The following STAC3 variants were observed in gnomAD, a reference collection of about 807,000 sequenced individuals.
STAC3 encodes the protein SH3 and cysteine rich domain 3.
In STAC3, 30 loss-of-function variants were observed where a neutral mutation model predicts 48.5. The observed-to-expected ratio is 0.62, with a 90% CI of 0.46 to 0.84. STAC3 has a LOEUF of 0.84. Among genes scored for constraint, STAC3 ranks in the 40% least tolerant of loss-of-function variants. STAC3 has a pLI of 0.00. For missense variants in STAC3, 419 were observed against 462.6 expected, an observed-to-expected ratio of 0.91 and a Z score of 0.86; for synonymous variants, 144 against 158.6, an observed-to-expected ratio of 0.91 and a Z score of 0.69.
intron 6 of STAC3, 65 bp downstream of exon 6, chr12:57,246,739 A>T: frequency 6.8e-7 from 1 of 1,463,540 alleles, no homozygotes; most frequent in Non-Finnish European, 9.6e-7. Context: ...CAGCTTTCCA[A>T]ATGGGAAAAT....
rs770951855 is a variant in STAC3, at chr12:57,248,715, G to A, written c.423C>T (p.Phe141=). The part of the protein sequence containing the change: ...CQSYVEMQRC[F]GKIPPGFHRA... ...TCCACAGCCTACTCACGATCTTGCC[G>A]AAGCATCTCTGCATTTCCACATAGG... Residue 141 remains phenylalanine, a synonymous_variant, in exon 4 of 12, where the codon TTC becomes TTT. Transcript: ENST00000332782. 1.4e-5 allele frequency: 23 copies of A among 1,613,614 alleles called. No individual in the cohort carries two copies. Among genetic ancestry groups the A allele is most frequent in the East Asian group, 4.5e-5 (2 of 44,884 alleles).
chr12:57,248,301 G>C (rs779992544), intron 4 of STAC3, 103 bp from the exon 5 acceptor site: 5 of 983,416 alleles, frequency 5.1e-6, no homozygotes, highest in Admixed American at 3.5e-5. Flanking sequence ...GAGATGGGCT[G>C]AGAAAGAAAA....
chr12:57,248,070 G>GTTT, intron 5 of STAC3, 56 bp downstream of exon 5: 10 of 1,482,310 alleles, frequency 6.7e-6, no homozygotes, highest in Non-Finnish European at 9.4e-6. Flanking sequence ...GCTAGAGATG[G>GTTT]CATGAAACCA....
chr12:57,247,452 G>A (rs1162204229), intron 5 of STAC3, among the ~76,000 whole-genome samples: 1 of 59,064 alleles, frequency 1.7e-5, no homozygotes. Flanking sequence ...TTTTTTTTTT[G>A]AGACGGAGTC....
At chr12:57,250,616 T>C (rs2037879084) in intron 1 of STAC3, among the ~76,000 whole-genome samples, 3 of 152,104 alleles carry the variant, frequency 2.0e-5, no homozygotes. Flanking sequence ...AGATCTCCTC[T>C]CTTCAAGAGG....
Position 57,245,221 on chromosome 12 carries a change from G to A in STAC3, c.604-10C>T. The stretch of plus-strand genomic sequence containing the variant: ...TCATGGCTGCTACAGGCTGGAGGGG[G>A]CACCAGAGTTAGGGAGACGCTGTCT... On this transcript the variant is annotated splice_polypyrimidine_tract_variant and intron_variant, in intron 6 of 11. Coordinates refer to ENST00000332782, the MANE Select transcript of STAC3 (RefSeq NM_145064.3). 2 of 1,613,832 alleles carry A rather than the reference G, an allele frequency of 1.2e-6. No individual in the cohort carries two copies. The highest frequency in any genetic ancestry group is 8.5e-7 in the Non-Finnish European group (1 of 1,179,834).
Position 57,247,767 on chromosome 12 carries a change from G to GGAC in STAC3, c.505+358_505+359insGTC, listed in dbSNP as rs200665937. Among the ~76,000 whole-genome samples the GGAC allele has an allele frequency of 4.7e-3, 723 of 152,252 alleles. 2 individuals are homozygous for GGAC. The highest frequency in any genetic ancestry group is 0.01 in the Middle Eastern group (3 of 294). The stretch of plus-strand genomic sequence containing the variant: ...CCTGCCCAGGGTGCCTGCAGCCTTT[G>GGAC]GGTCTTGCCCCGAGTCTGATATGAC... On this transcript the variant is annotated intron_variant, in intron 5 of 11. Transcript: ENST00000332782.
At position 57,249,313 on chromosome 12, in the gene STAC3, G is replaced by A; in HGVS notation, c.67-5C>T. On this transcript the variant is annotated splice_region_variant and splice_polypyrimidine_tract_variant and intron_variant, in intron 2 of 11. Transcript: ENST00000332782. Reference sequence around the variant, plus strand: ...TAACTGCTTTAGCCGCTGTAGCTGAGGGAGGGAGTGAAGAAAACCCAATGT... The same window carrying A: ...TAACTGCTTTAGCCGCTGTAGCTGAAGGAGGGAGTGAAGAAAACCCAATGT... The A allele has an allele frequency of 1.3e-6, 2 of 1,569,566 alleles. No homozygotes were observed. Among genetic ancestry groups the A allele is most frequent in the Non-Finnish European group, 1.7e-6 (2 of 1,157,762 alleles).
chr12:57,244,634 A>G lies in STAC3; in HGVS notation c.721-12T>C. 1 of 1,614,152 alleles carries G rather than the reference A, an allele frequency of 6.2e-7. No homozygotes were observed. The highest frequency in any genetic ancestry group is 8.5e-7 in the Non-Finnish European group (1 of 1,180,016). ...CCAGGCTGCTTGTGCTGGGGGTGCA[A>G]GGGAATGATGAGTCTTAGGGCTCCT... On this transcript the variant is annotated splice_polypyrimidine_tract_variant and intron_variant, in intron 8 of 11. Coordinates refer to ENST00000332782, the MANE Select transcript of STAC3 (RefSeq NM_145064.3).
intron 5 of STAC3, among the ~76,000 whole-genome samples, chr12:57,247,420 TTATTA>T (rs1276966797): frequency 2.3e-5 from 1 of 43,794 alleles, no homozygotes; most frequent in Non-Finnish European, 4.9e-5. Context: ...ATTATTATTA[TTATTA>T]TTATTTTTTT....
At chr12:57,247,190 T>C (rs1333591558) in intron 5 of STAC3, among the ~76,000 whole-genome samples, 1 of 152,106 alleles carries the variant, frequency 6.6e-6, no homozygotes, top group Non-Finnish European at 1.5e-5. Context: ...CTTTGCTTGC[T>C]TGGGAGCTGA....
In STAC3 at chr12:57,249,267, C is replaced by A; in HGVS notation, c.108G>T (p.Gly36=). 6.2e-7 allele frequency: 1 copy of A among 1,607,800 alleles called. No homozygotes were observed. The highest frequency in any genetic ancestry group is 8.5e-7 in the Non-Finnish European group (1 of 1,177,284). Residue 36 remains glycine, a synonymous_variant, in exon 3 of 12, where the codon GGG becomes GGT. Transcript: ENST00000332782. The part of the protein sequence containing the change: ...LKQLLRKGST[G]TKEMELPPEP... Reference sequence around the variant, plus strand: ...CTGGGGGAAGTTCCATCTCCTTTGTCCCTGTAGAACCCTTCCTGAGTAACT... The same window carrying A: ...CTGGGGGAAGTTCCATCTCCTTTGTACCTGTAGAACCCTTCCTGAGTAACT...
At chr12:57,246,750 G>T in intron 6 of STAC3, 54 bp downstream of exon 6, 2 of 1,508,990 alleles carry the variant, frequency 1.3e-6, no homozygotes, top group South Asian at 1.1e-5. Context: ...ATGGGAAAAT[G>T]ACCTGCTCCA....
intron 6 of STAC3, among the ~76,000 whole-genome samples, chr12:57,246,109 C>CAAA (rs71084732): frequency 0.013 from 1,015 of 80,138 alleles, 20 homozygotes; most frequent in East Asian, 0.059. Flanking sequence ...AACTCTATCT[C>CAAA]AAAAAAAAAA....
intron 4 of STAC3, 97 bp from the exon 5 acceptor site, chr12:57,248,295 T>C (rs2037807993): frequency 9.8e-7 from 1 of 1,019,768 alleles, no homozygotes; most frequent in South Asian, 1.3e-5. Flanking sequence ...GAAAAAGAGA[T>C]GGGCTGAGAA....
chr12:57,244,402 A>T, intron 9 of STAC3, 36 bp from the exon 10 acceptor site: 2 of 1,613,914 alleles, frequency 1.2e-6, no homozygotes, highest in Non-Finnish European at 1.7e-6. Context: ...CTCACATAGC[A>T]GGTCCCCTGC....
chr12:57,246,362 CTTCCTTCCTTCCT>C (rs1287450290), intron 6 of STAC3, among the ~76,000 whole-genome samples: 6 of 147,866 alleles, frequency 4.1e-5, no homozygotes, highest in South Asian at 4.4e-4. Context: ...TTTCTTTTCC[CTTCCTTCCTTCCT>C]TTCCTTCCTT....
At chr12:57,248,941 C>T in intron 3 of STAC3, 100 bp downstream of exon 3, 1 of 1,551,738 alleles carries the variant, frequency 6.4e-7, no homozygotes, top group Middle Eastern at 1.7e-4. Context: ...TACACCAACT[C>T]TAGCCACAGC....
chr12:57,248,296 G>A (rs1302024618), intron 4 of STAC3, 98 bp from the exon 5 acceptor site: 2 of 1,014,696 alleles, frequency 2.0e-6, no homozygotes, highest in East Asian at 2.4e-5. Flanking sequence ...AAAAAGAGAT[G>A]GGCTGAGAAA....
Sources: gnomAD v4.1 joint callset for allele counts (sites outside exome capture counted in the v4.1 genomes callset) on GRCh38, gnomAD v4.1.1 for gene constraint, MANE v1.5 for transcripts, NCBI Gene and HGNC (gene_info 2026-07-23, HGNC 2026-07-21) for gene names.